The following BLK variants were observed in gnomAD, a reference collection of about 807,000 sequenced individuals.
BLK encodes BLK proto-oncogene, Src family tyrosine kinase.
Under a neutral mutation model 61.8 loss-of-function variants are expected in BLK, and 64 were observed. The observed-to-expected ratio is 1.03, with a 90% confidence interval of 0.85 to 1.27. BLK has a LOEUF of 1.27. BLK is among the 50% of genes most tolerant of loss of function. The pLI is 0.00. For synonymous variants in BLK, 351 were observed against 272.0 expected (o/e 1.29, Z -2.86); for missense variants, 853 against 660.5 (o/e 1.29, Z -3.19).
intron 11 of BLK, among the ~76,000 whole-genome samples, 168 bp downstream of exon 11, chr8:11,561,620 CA>C (rs1246622848): frequency 5.8e-4 from 88 of 152,254 alleles, no homozygotes; most frequent in Non-Finnish European, 2.2e-4. Flanking sequence ...ATGTGTTCAG[CA>C]GAATGGTAGT....
intron 11 of BLK, among the ~76,000 whole-genome samples, chr8:11,562,623 T>G (rs1479550500): frequency 6.6e-6 from 1 of 152,204 alleles, no homozygotes; most frequent in Non-Finnish European, 1.5e-5. Context: ...GCCCAGGCCA[T>G]GTCTTTTAAA....
chr8:11,511,681 G>A (rs920554822), intron 1 of BLK, among the ~76,000 whole-genome samples: 7 of 152,122 alleles, frequency 4.6e-5, no homozygotes, highest in South Asian at 4.1e-4. Context: ...AGTCTTTAAA[G>A]GGGATGGACT....
intron 6 of BLK, among the ~76,000 whole-genome samples, chr8:11,551,538 T>A (rs1255134581): frequency 1.3e-5 from 2 of 152,170 alleles, no homozygotes; most frequent in Non-Finnish European, 2.9e-5. Context: ...CTTTAACATA[T>A]GAATTGGGAG....
chr8:11,560,182 C>A (rs13278772), intron 10 of BLK, among the ~76,000 whole-genome samples: 1 of 41,134 alleles, frequency 2.4e-5, no homozygotes, highest in Non-Finnish European at 4.3e-5. Context: ...TGGATGGATG[C>A]ATGGATGGAT....
chr8:11,556,839 T>C lies in BLK; in HGVS notation c.952+2T>C. The C allele has an allele frequency of 6.2e-7, 1 of 1,613,496 alleles. No homozygotes were observed. On this transcript the variant is annotated splice_donor_variant, in intron 9 of 12. Transcript: ENST00000259089. LOFTEE classifies it high-confidence loss of function. ...TTGTCACCGAGTACATGGCCAGAGG[T>C]GGTGCCCCCCGCAGAGCCGCATCCT...
chr8:11,496,080 G>A (rs967302513), intron 1 of BLK, among the ~76,000 whole-genome samples: 6 of 152,186 alleles, frequency 3.9e-5, no homozygotes, highest in African/African-American at 1.4e-4. Context: ...CTGGAATATA[G>A]CAGGCCTTTT....
intron 1 of BLK, among the ~76,000 whole-genome samples, chr8:11,535,442 C>G (rs1800095017): frequency 6.6e-6 from 1 of 152,202 alleles, no homozygotes; most frequent in Admixed American, 6.5e-5. Context: ...GCTTTGTTTT[C>G]TGAACGTGTT....
At chr8:11,545,098 G>C (rs1284144964) in intron 2 of BLK, among the ~76,000 whole-genome samples, 1 of 152,208 alleles carries the variant, frequency 6.6e-6, no homozygotes, top group Non-Finnish European at 1.5e-5. Context: ...ACATCAAACA[G>C]CGCATATGCT....
chr8:11,507,183 C>T (rs1487730481), intron 1 of BLK, among the ~76,000 whole-genome samples: 1 of 152,142 alleles, frequency 6.6e-6, no homozygotes, highest in Non-Finnish European at 1.5e-5. Flanking sequence ...AGTAACAACA[C>T]CCTTGGCAGA....
chr8:11,559,696 C>A, intron 10 of BLK: 1 of 454,748 alleles, frequency 2.2e-6, no homozygotes, highest in Non-Finnish European at 4.4e-6. Flanking sequence ...TCGGGCCCCA[C>A]TTTGCAGCCA....
At chr8:11,518,852 C>T (rs1382861719) in intron 1 of BLK, among the ~76,000 whole-genome samples, 2 of 152,216 alleles carry the variant, frequency 1.3e-5, no homozygotes, top group African/African-American at 4.8e-5. Flanking sequence ...CAAGCCTGTG[C>T]ACTTTTAGAG....
intron 1 of BLK, among the ~76,000 whole-genome samples, chr8:11,511,771 C>T (rs1052111352): frequency 2.3e-4 from 35 of 152,250 alleles, no homozygotes; most frequent in African/African-American, 8.4e-4. Flanking sequence ...TGTAGTGCAA[C>T]ATTCAACATG....
intron 1 of BLK, among the ~76,000 whole-genome samples, chr8:11,527,164 A>C (rs1456699455): frequency 6.6e-6 from 1 of 152,216 alleles, no homozygotes; most frequent in East Asian, 1.9e-4. Context: ...TTTTTCTACC[A>C]GCTTACAAAA....
At chr8:11,558,295 G>A (rs1388508801) in intron 10 of BLK, among the ~76,000 whole-genome samples, 1 of 152,216 alleles carries the variant, frequency 6.6e-6, no homozygotes, top group Non-Finnish European at 1.5e-5. Flanking sequence ...TGCTGTGTTG[G>A]AATGAGGCTA....
intron 6 of BLK, chr8:11,552,556 T>C (rs1471575997): frequency 6.6e-6 from 1 of 152,170 alleles, no homozygotes; most frequent in Non-Finnish European, 1.5e-5. Context: ...AGAAAATAGT[T>C]TAGTGGAACC....
At chr8:11,523,914 T>G (rs1045847124) in intron 1 of BLK, among the ~76,000 whole-genome samples, 1 of 152,074 alleles carries the variant, frequency 6.6e-6, no homozygotes, top group African/African-American at 2.4e-5. Context: ...ACGGTGAGAA[T>G]GTAAACCAGT....
intron 11 of BLK, among the ~76,000 whole-genome samples, chr8:11,562,510 C>T (rs1162294821): frequency 2.0e-5 from 3 of 152,274 alleles, no homozygotes; most frequent in East Asian, 3.9e-4. Context: ...ACAGGGCAGC[C>T]GGATGTGAGT....
chr8:11,513,900 G>C (rs1005839026), intron 1 of BLK, among the ~76,000 whole-genome samples: 4 of 152,148 alleles, frequency 2.6e-5, no homozygotes, highest in African/African-American at 9.7e-5. Context: ...GGTGGATTCA[G>C]AGTCTCCCAT....
At chr8:11,542,236 T>C (rs924058801) in intron 1 of BLK, among the ~76,000 whole-genome samples, 9 of 152,152 alleles carry the variant, frequency 5.9e-5, no homozygotes, top group Admixed American at 5.9e-4. Flanking sequence ...CTGCAAAGCA[T>C]CCTCCATTGT....
Sources: allele counts gnomAD v4.1 joint callset (sites outside exome capture counted in the v4.1 genomes callset), GRCh38; gene constraint gnomAD v4.1.1; transcripts MANE v1.5; gene names NCBI Gene and HGNC (gene_info 2026-07-23, HGNC 2026-07-21).